The following STK10 variants were observed in gnomAD, a reference collection of about 807,000 sequenced individuals.
The protein encoded by STK10 is serine/threonine-protein kinase 10.
STK10 carries 78 observed loss-of-function variants against 113.8 expected under a neutral mutation model. That is an observed-to-expected ratio of 0.69 (90% CI 0.57 to 0.83). The LOEUF is 0.83. Among genes scored for constraint, STK10 ranks in the 40% least tolerant of loss-of-function variants. STK10 has a pLI of 0.00. For missense variants in STK10, 1,109 were observed against 1,280.1 expected (o/e 0.87, Z 2.04); for synonymous variants, 465 against 494.7 (o/e 0.94, Z 0.80).
At chr5:172,150,098 C>G (rs983344703) in intron 2 of STK10, among the ~76,000 whole-genome samples, 9 of 150,216 alleles carry the variant, frequency 6.0e-5, no homozygotes, top group Non-Finnish European at 1.2e-4. Context: ...ATCCTCCCTT[C>G]CAAGCCCCTA....
chr5:172,188,115 A>G lies in STK10; in HGVS notation c.-73T>C, dbSNP rs1396714296. On this transcript the variant is annotated 5_prime_UTR_variant, in exon 1 of 19. Transcript: ENST00000176763. The surrounding 1 kb of genome is among the most constrained non-coding windows in gnomAD (Gnocchi z 5.6). Reference sequence around the variant, plus strand: ...CTGTGGCTTCGGCGGCCGCGAGGAGAAGGAGGAGGAGTTGGAGGACGCCGC... The same window carrying G: ...CTGTGGCTTCGGCGGCCGCGAGGAGGAGGAGGAGGAGTTGGAGGACGCCGC... 6 of 1,551,930 alleles carry G rather than the reference A, an allele frequency of 3.9e-6. No homozygotes were observed. The highest frequency in any genetic ancestry group is 2.7e-5 in the African/African-American group (2 of 72,882).
chr5:172,095,362 C>T (rs1158107449), intron 8 of STK10, among the ~76,000 whole-genome samples: 1 of 152,202 alleles, frequency 6.6e-6, no homozygotes, highest in Non-Finnish European at 1.5e-5. Flanking sequence ...AGATCAGCCT[C>T]CTGCATGCAG....
At chr5:172,173,676 G>C (rs61357707) in intron 1 of STK10, among the ~76,000 whole-genome samples, 30,603 of 151,990 alleles carry the variant, frequency 0.2, 3,162 homozygotes, top group Middle Eastern at 0.25. Flanking sequence ...ATCCCAGAAC[G>C]CTTTACATCC....
intron 2 of STK10, among the ~76,000 whole-genome samples, chr5:172,128,187 C>G (rs1234708447): frequency 1.5e-5 from 2 of 136,030 alleles, no homozygotes; most frequent in African/African-American, 5.5e-5. Context: ...GCACTCCAGC[C>G]TGGGCAATAG....
chr5:172,152,134 G>T (rs1770246924), intron 2 of STK10, among the ~76,000 whole-genome samples: 1 of 152,192 alleles, frequency 6.6e-6, no homozygotes, highest in Non-Finnish European at 1.5e-5. Context: ...CCACTCACTT[G>T]TCACTTGCCC....
chr5:172,044,576 T>C lies in STK10; in HGVS notation c.*306A>G. 2.3e-6 allele frequency: 1 copy of C among 430,478 alleles called. No individual in the cohort carries two copies. The allele number at this position is 430,478 out of a possible 1,614,324, so 26.7% of individuals were successfully genotyped here. On this transcript the variant is annotated 3_prime_UTR_variant, in exon 19 of 19. Transcript: ENST00000176763. The surrounding 1 kb of genome is among the most constrained non-coding windows in gnomAD (Gnocchi z 4.5). ...AGGACTCGAGGCCACAGAACACCCA[T>C]TCCTCTTGGACCCTGACCCCACCAA...
At chr5:172,089,029 C>T (rs1768630470) in intron 10 of STK10, among the ~76,000 whole-genome samples, 1 of 152,152 alleles carries the variant, frequency 6.6e-6, no homozygotes, top group Non-Finnish European at 1.5e-5. Flanking sequence ...TCTTCCCGGC[C>T]ACTGCCCCAG....
intron 10 of STK10, among the ~76,000 whole-genome samples, chr5:172,089,553 GTAAA>G (rs974412531): frequency 8.5e-5 from 13 of 152,118 alleles, no homozygotes; most frequent in African/African-American, 2.2e-4. Flanking sequence ...TAGGGAGTAG[GTAAA>G]TAGATAGATG....
At chr5:172,157,494 T>G (rs1023637974) in intron 1 of STK10, among the ~76,000 whole-genome samples, 1 of 152,090 alleles carries the variant, frequency 6.6e-6, no homozygotes, top group African/African-American at 2.4e-5. Flanking sequence ...AGGCAGAGGT[T>G]GCAGTGAGCA....
At chr5:172,091,031 G>A (rs1317011441) in intron 9 of STK10, among the ~76,000 whole-genome samples, 1 of 148,360 alleles carries the variant, frequency 6.7e-6, no homozygotes, top group Non-Finnish European at 1.5e-5. Flanking sequence ...CTCTTGTCCT[G>A]TCTGAGCCTC....
At chr5:172,122,891 G>A (rs542850777) in intron 3 of STK10, among the ~76,000 whole-genome samples, 1 of 152,182 alleles carries the variant, frequency 6.6e-6, no homozygotes. Context: ...CCAAAGTGCT[G>A]GGATTACAGG....
intron 10 of STK10, 124 bp downstream of exon 10, chr5:172,090,108 T>C (rs1266726642): frequency 2.8e-6 from 4 of 1,414,066 alleles, no homozygotes; most frequent in Admixed American, 2.2e-5. Context: ...GAGTTTCCTT[T>C]TGCCTCCTTG....
intron 1 of STK10, among the ~76,000 whole-genome samples, chr5:172,159,581 G>T (rs1009927116): frequency 6.6e-5 from 10 of 151,998 alleles, no homozygotes; most frequent in African/African-American, 2.4e-4. Flanking sequence ...TAGCACTTTG[G>T]GAGGCCGAGA....
rs1305270435 is a variant in STK10, at chr5:172,107,789, G to A, written c.584C>T (p.Thr195Met). The change falls in exon 5 of 19, where the codon ACG (threonine) becomes ATG (methionine). Residue 195 changes from threonine to methionine, a missense_variant. Physicochemically the swap from Thr to Met is moderately conservative, Grantham distance 81. Transcript: ENST00000176763. ...TLQKRDSFIG[T>M]PYWMAPEVVM... is the part of the protein sequence containing the mutation. ...AAGCTACACGACTCACCAGTAAGGC[G>A]TGCCGATGAAGGAATCTCGTTTCTG... 1.9e-6 allele frequency: 3 copies of A among 1,613,974 alleles called. No homozygotes were observed. Among genetic ancestry groups the A allele is most frequent in the Non-Finnish European group, 2.5e-6 (3 of 1,180,004 alleles).
chr5:172,102,741 A>T (rs1268685425), intron 7 of STK10, among the ~76,000 whole-genome samples: 1 of 152,186 alleles, frequency 6.6e-6, no homozygotes, highest in Non-Finnish European at 1.5e-5. Context: ...CAGCTGTGAT[A>T]GAGTGGACGG....
intron 1 of STK10, among the ~76,000 whole-genome samples, chr5:172,182,209 A>C (rs1770869586): frequency 6.6e-6 from 1 of 150,878 alleles, no homozygotes; most frequent in South Asian, 2.1e-4. Context: ...AGGCTGAGGC[A>C]AGAGAATTGC....
chr5:172,114,289 CGTGT>C lies in STK10; in HGVS notation c.520+3188_520+3191del, dbSNP rs111441878. Among the ~76,000 whole-genome samples the C allele has an allele frequency of 3.2e-3, 438 of 138,816 alleles. 5 individuals carry two copies. Among genetic ancestry groups the C allele is most frequent in the East Asian group, 0.02 (99 of 4,956 alleles). 91.1% of individuals were successfully genotyped at this position (138,816 alleles called of 152,430 possible). On this transcript the variant is annotated intron_variant, in intron 4 of 18. Coordinates refer to ENST00000176763, the MANE Select transcript of STK10 (RefSeq NM_005990.4). ...TTGTGTACAGGACTCTAGCTACTCT[CGTGT>C]GTGTGTGTGTGTGTGTGTGTGTATG...
chr5:172,108,012 A>G, intron 4 of STK10, 160 bp from the exon 5 acceptor site: 1 of 617,076 alleles, frequency 1.6e-6, no homozygotes, highest in South Asian at 2.0e-5. Flanking sequence ...TGCTGCTGAG[A>G]GGAAGTACCG....
chr5:172,135,411 C>T (rs28865930), intron 2 of STK10, among the ~76,000 whole-genome samples: 14,966 of 152,044 alleles, frequency 0.098, 2,503 homozygotes, highest in African/African-American at 0.34. Flanking sequence ...ACTTAGGAGG[C>T]TGAGACAAAA....
Sources: gnomAD v4.1 joint callset for allele counts (sites outside exome capture counted in the v4.1 genomes callset) on GRCh38, gnomAD v4.1.1 for gene constraint, Gnocchi (gnomAD v3.1) non-coding constraint, MANE v1.5 for transcripts, NCBI Gene and HGNC (gene_info 2026-07-23, HGNC 2026-07-21) for gene names.